COTL1: variants seen among roughly 807,000 people sequenced by gnomAD.
The protein encoded by COTL1 is coactosin-like protein.
A neutral mutation model predicts 16.5 loss-of-function variants in COTL1; 15 were observed. That is an observed-to-expected ratio of 0.91 (90% CI 0.61 to 1.40). COTL1 has a LOEUF of 1.40. Ranked by LOEUF, COTL1 falls within the 40% of genes most tolerant of loss-of-function variation. The pLI is 0.00. For missense variants in COTL1, 220 were observed against 201.5 expected (o/e 1.09, Z -0.56); for synonymous variants, 112 against 85.3 (o/e 1.31, Z -1.73).
chr16:84,581,140 TAAAA>T (rs869121473), intron 3 of COTL1, among the ~76,000 whole-genome samples: 1 of 41,424 alleles, frequency 2.4e-5, no homozygotes, highest in Non-Finnish European at 5.0e-5. Context: ...AGATTCCATC[TAAAA>T]ACAAACAAAC....
At chr16:84,593,756 C>G (rs1464689500) in intron 2 of COTL1, among the ~76,000 whole-genome samples, 1 of 152,178 alleles carries the variant, frequency 6.6e-6, no homozygotes, top group African/African-American at 2.4e-5. Context: ...ACCTCGGCCT[C>G]CCAAAGTGCT....
chr16:84,600,829 G>A (rs7204697), intron 2 of COTL1, among the ~76,000 whole-genome samples: 55,762 of 151,994 alleles, frequency 0.37, 10,737 homozygotes, highest in East Asian at 0.5. Context: ...ATGGCCAGAG[G>A]AAAAGAAAGA....
rs372775821 is a variant in COTL1 at position 84,591,634 on chromosome 16, T to TA, written c.161-1373dup. Reference sequence around the variant, plus strand: ...GGGCAACATGGAGAAATCACCTCTCTAAAAAAAAAAAAAAAAAAAAAAAAA... The same window carrying TA: ...GGGCAACATGGAGAAATCACCTCTCTAAAAAAAAAAAAAAAAAAAAAAAAAA... On this transcript the variant is annotated intron_variant, in intron 2 of 3. Coordinates refer to ENST00000262428, the MANE Select transcript of COTL1 (RefSeq NM_021149.5). Among the ~76,000 whole-genome samples the TA allele has an allele frequency of 2.4e-3, 182 of 75,166 alleles. 3 individuals are homozygous for TA. The highest frequency in any genetic ancestry group is 7.9e-3 in the African/African-American group (158 of 19,970). 49.3% of individuals were successfully genotyped at this position (75,166 alleles called of 152,430 possible).
intron 2 of COTL1, among the ~76,000 whole-genome samples, chr16:84,598,358 C>G (rs997350569): frequency 2.0e-5 from 3 of 152,152 alleles, no homozygotes; most frequent in African/African-American, 7.2e-5. Context: ...CAGGCAGGGC[C>G]CTGAAGGTAG....
chr16:84,579,037 G>A (rs1904518549), intron 3 of COTL1, among the ~76,000 whole-genome samples: 1 of 149,204 alleles, frequency 6.7e-6, no homozygotes, highest in Non-Finnish European at 1.5e-5. Flanking sequence ...ATACACAGTA[G>A]TGCACACACA....
At chr16:84,605,205 T>C (rs2150694725) in intron 2 of COTL1, among the ~76,000 whole-genome samples, 1 of 152,350 alleles carries the variant, frequency 6.6e-6, no homozygotes, top group Middle Eastern at 3.4e-3. Flanking sequence ...TGGTCTTCCC[T>C]TCTTGTTTCA....
intron 3 of COTL1, among the ~76,000 whole-genome samples, chr16:84,584,637 G>A (rs1335703968): frequency 1.3e-5 from 2 of 152,216 alleles, no homozygotes; most frequent in Admixed American, 1.3e-4. Context: ...CTGAGCATCT[G>A]TATCTAGCAT....
At chr16:84,609,419 C>T (rs927785010) in intron 2 of COTL1, among the ~76,000 whole-genome samples, 1 of 152,204 alleles carries the variant, frequency 6.6e-6, no homozygotes, top group Non-Finnish European at 1.5e-5. Flanking sequence ...CATAGCAGGC[C>T]AGAAAATGGG....
chr16:84,594,735 T>C (rs973089422), intron 2 of COTL1: 5 of 152,304 alleles, frequency 3.3e-5, no homozygotes, highest in Admixed American at 3.3e-4. Context: ...TGGAGGTAAG[T>C]TACCAGCCCT....
intron 3 of COTL1, among the ~76,000 whole-genome samples, chr16:84,583,365 A>T (rs890994479): frequency 6.6e-6 from 1 of 152,338 alleles, no homozygotes. Context: ...TTATTGCCAC[A>T]TTGGTACCCA....
In COTL1 at chr16:84,566,938, A is replaced by G. The variant is rs1266409347; in HGVS notation, c.336T>C (p.Phe112=). 4 of 1,613,560 alleles carry G rather than the reference A, an allele frequency of 2.5e-6. No individual in the cohort carries two copies. Among genetic ancestry groups the G allele is most frequent in the Non-Finnish European group, 3.4e-6 (4 of 1,179,570 alleles). ...CCAGCTCCTTCCGATCACTGATCAC[A>G]AACTCCTTAGCGAAATTCTGCAAGA... The part of the protein sequence containing the change: ...KEVVQNFAKE[F]VISDRKELEE... Residue 112 remains phenylalanine, a synonymous_variant, in exon 4 of 4, where the codon TTT becomes TTC. Transcript: ENST00000262428.
intron 3 of COTL1, among the ~76,000 whole-genome samples, chr16:84,574,653 G>C (rs558767293): frequency 1.3e-5 from 2 of 151,848 alleles, no homozygotes; most frequent in African/African-American, 4.8e-5. Flanking sequence ...TAGTGCGATC[G>C]GCTCACTGCA....
intron 2 of COTL1, among the ~76,000 whole-genome samples, chr16:84,617,079 G>A (rs369055128): frequency 6.6e-6 from 1 of 152,170 alleles, no homozygotes; most frequent in Non-Finnish European, 1.5e-5. Flanking sequence ...CAATGATAGC[G>A]GGAGAAAGGA....
chr16:84,594,145 G>C (rs1904939966), intron 2 of COTL1, among the ~76,000 whole-genome samples: 1 of 149,814 alleles, frequency 6.7e-6, no homozygotes, highest in Non-Finnish European at 1.5e-5. Flanking sequence ...CCATTGCATG[G>C]AGAGAGCACA....
At chr16:84,605,581 A>G (rs1245133371) in intron 2 of COTL1, among the ~76,000 whole-genome samples, 1 of 152,234 alleles carries the variant, frequency 6.6e-6, no homozygotes, top group Non-Finnish European at 1.5e-5. Flanking sequence ...AGGGTGGGGA[A>G]GAGGGCCAGA....
Position 84,579,016 on chromosome 16 carries a change from C to T in COTL1, c.318+11089G>A, listed in dbSNP as rs118024279. On this transcript the variant is annotated intron_variant, in intron 3 of 3. Coordinates refer to ENST00000262428, the MANE Select transcript of COTL1 (RefSeq NM_021149.5). ...ACACATATACACATGCATGCACACACATCCACCCTCATACACAGTAGTGCA... is the reference window on the plus strand; with the variant it reads ...ACACATATACACATGCATGCACACATATCCACCCTCATACACAGTAGTGCA... Among the ~76,000 whole-genome samples, 1,368 of 152,086 alleles carry T rather than the reference C, an allele frequency of 9.0e-3. 17 individuals carry two copies. The highest frequency in any genetic ancestry group is 0.016 in the Non-Finnish European group (1,082 of 67,984).
Position 84,617,597 on chromosome 16 carries a change from G to C in COTL1, c.78-14C>G, listed in dbSNP as rs1254081047. 2 of 1,552,408 alleles carry C rather than the reference G, an allele frequency of 1.3e-6. No individual in the cohort carries two copies. On this transcript the variant is annotated splice_polypyrimidine_tract_variant and intron_variant, in intron 1 of 3. Coordinates refer to ENST00000262428, the MANE Select transcript of COTL1 (RefSeq NM_021149.5). ...TTAAAAGTCACCCTTTGGGTTGGGA[G>C]AAGAAAAAAACACACACACACATCA... is the stretch of plus-strand genomic sequence containing the variant.
chr16:84,588,798 TGA>T (rs1290633755), intron 3 of COTL1, among the ~76,000 whole-genome samples: 1 of 151,810 alleles, frequency 6.6e-6, no homozygotes, highest in Non-Finnish European at 1.5e-5. Flanking sequence ...ATGACAGGTG[TGA>T]GTCACTGTGC....
chr16:84,584,116 C>A (rs1228135461), intron 3 of COTL1, among the ~76,000 whole-genome samples: 2 of 152,206 alleles, frequency 1.3e-5, no homozygotes, highest in Non-Finnish European at 2.9e-5. Flanking sequence ...ACGATAGGAG[C>A]GAGGTTCTGT....
Sources: gnomAD v4.1 joint callset for allele counts (sites outside exome capture counted in the v4.1 genomes callset) on GRCh38, gnomAD v4.1.1 for gene constraint, MANE v1.5 for transcripts, NCBI Gene and HGNC (gene_info 2026-07-23, HGNC 2026-07-21) for gene names.